LNX1: variants seen among roughly 807,000 people sequenced by gnomAD.
LNX1 encodes E3 ubiquitin-protein ligase LNX.
In LNX1, 54 loss-of-function variants were observed where a neutral mutation model predicts 68.4. The ratio of observed to expected loss-of-function variants is 0.79; its 90% CI spans 0.63 to 0.99. The LOEUF (loss-of-function observed/expected upper bound fraction) is 0.99, where lower values mean the gene tolerates loss of function less well. Ranked by LOEUF, LNX1 falls within the 50% of genes least tolerant of loss-of-function variation. The pLI is 0.00. For synonymous variants in LNX1, 336 were observed against 350.0 expected (o/e 0.96, Z 0.45); for missense variants, 906 against 926.4 (o/e 0.98, Z 0.29).
intron 2 of LNX1, among the ~76,000 whole-genome samples, chr4:53,533,350 T>C (rs1728146660): frequency 6.6e-6 from 1 of 152,184 alleles, no homozygotes. Flanking sequence ...CCTAAGACAG[T>C]CATTCTTAAT....
rs1170555253 is a variant in LNX1 at position 53,565,516 on chromosome 4, A to G, written c.380+8107T>C. 6.6e-5 allele frequency among the ~76,000 whole-genome samples: 10 copies of G among 151,338 alleles called. No individual in the cohort carries two copies. In the East Asian group the frequency reaches 1.9e-3, roughly 29 times the overall value. The stretch of plus-strand genomic sequence containing the variant: ...CATCTGTACATCACCATCATCAAAG[A>G]CCAAAAGTAGATAAAACCACAAAGA... On this transcript the variant is annotated intron_variant, in intron 2 of 10. Coordinates refer to ENST00000263925, the MANE Select transcript of LNX1 (RefSeq NM_001126328.3).
chr4:53,620,263 G>A (rs1733818310), upstream of LNX1, among the ~76,000 whole-genome samples: 1 of 152,016 alleles, frequency 6.6e-6, no homozygotes, highest in Admixed American at 6.6e-5. Context: ...TTTCTGATAT[G>A]TTCACAGGTT....
At chr4:53,572,569 C>A (rs936478151) in intron 2 of LNX1, among the ~76,000 whole-genome samples, 3 of 152,192 alleles carry the variant, frequency 2.0e-5, no homozygotes, top group African/African-American at 7.2e-5. Context: ...CTGCCTCTTG[C>A]CCTTGTCATG....
chr4:53,575,925 T>C (rs1447277810), intron 1 of LNX1: 17 of 1,570,838 alleles, frequency 1.1e-5, no homozygotes. Context: ...TGCAGTGTCT[T>C]GGGGTCAGCA....
At chr4:53,495,692 GCCA>G (rs1341389490) in intron 6 of LNX1, among the ~76,000 whole-genome samples, 1 of 152,036 alleles carries the variant, frequency 6.6e-6, no homozygotes, top group Non-Finnish European at 1.5e-5. Flanking sequence ...ACAGGCACCT[GCCA>G]CCACACCTGG....
At chr4:53,483,010 T>C (rs1724046375) in intron 6 of LNX1, among the ~76,000 whole-genome samples, 1 of 152,212 alleles carries the variant, frequency 6.6e-6, no homozygotes, top group Non-Finnish European at 1.5e-5. Context: ...AAAGGTCCAC[T>C]CCACATCATC....
At position 53,630,176 on chromosome 4, in the gene LNX1, T is replaced by TA. The variant is rs551552649; in HGVS notation, c.-215+21991dup. 4.3e-4 allele frequency among the ~76,000 whole-genome samples: 66 copies of TA among 152,264 alleles called. No homozygotes were observed. In the South Asian group the frequency reaches 0.011, roughly 25 times the overall value. Reference sequence around the variant, plus strand: ...AGAGAGTATTCCAGGAGCTCCTGCTTAAAACAGGGACTTTCAAATTAACAG... The same window carrying TA: ...AGAGAGTATTCCAGGAGCTCCTGCTTAAAAACAGGGACTTTCAAATTAACAG... On this transcript the variant is annotated intron_variant, in intron 1 of 2. Transcript: ENST00000507168.
chr4:53,603,227 T>C (rs1733091387), intron 2 of LNX1, among the ~76,000 whole-genome samples: 1 of 152,230 alleles, frequency 6.6e-6, no homozygotes, highest in Admixed American at 6.5e-5. Context: ...CAGGGCTTCC[T>C]TGGGAGCCGA....
intron 2 of LNX1, among the ~76,000 whole-genome samples, chr4:53,571,476 T>C (rs1217373092): frequency 1.3e-5 from 2 of 151,950 alleles, no homozygotes; most frequent in Admixed American, 6.6e-5. Flanking sequence ...GAAGATGCTA[T>C]GCGGCTGGCT....
chr4:53,554,996 G>A (rs1417327286), intron 2 of LNX1, among the ~76,000 whole-genome samples: 1 of 152,160 alleles, frequency 6.6e-6, no homozygotes, highest in African/African-American at 2.4e-5. Flanking sequence ...GTGCATTGCT[G>A]TTAGAGAGAA....
intron 7 of LNX1, among the ~76,000 whole-genome samples, chr4:53,479,096 T>A (rs929813113): frequency 6.6e-6 from 1 of 152,222 alleles, no homozygotes; most frequent in Non-Finnish European, 1.5e-5. Context: ...GAAAAAGTAT[T>A]GCTTTGTTGC....
At chr4:53,514,303 A>G (rs1471098173) in intron 2 of LNX1, among the ~76,000 whole-genome samples, 1 of 152,222 alleles carries the variant, frequency 6.6e-6, no homozygotes, top group Non-Finnish European at 1.5e-5. Flanking sequence ...ACTTTTGCTA[A>G]TGAAAGAGCA....
At chr4:53,467,438 C>G (rs1345644926) in intron 9 of LNX1, among the ~76,000 whole-genome samples, 3 of 152,168 alleles carry the variant, frequency 2.0e-5, no homozygotes, top group East Asian at 1.9e-4. Flanking sequence ...GAGCGCCTCT[C>G]CTCCTCCAAA....
intron 2 of LNX1, among the ~76,000 whole-genome samples, chr4:53,520,263 A>G (rs1480727107): frequency 1.3e-5 from 2 of 152,192 alleles, no homozygotes. Flanking sequence ...AACTGATTCC[A>G]TTGTTTAGTT....
chr4:53,547,135 G>T (rs1729170234), intron 2 of LNX1, among the ~76,000 whole-genome samples: 1 of 152,140 alleles, frequency 6.6e-6, no homozygotes, highest in African/African-American at 2.4e-5. Context: ...TCTATTGTGA[G>T]GCGCACCATT....
At chr4:53,616,126 C>T (rs1203924990) in intron 2 of LNX1, among the ~76,000 whole-genome samples, 1 of 152,130 alleles carries the variant, frequency 6.6e-6, no homozygotes, top group East Asian at 1.9e-4. Context: ...TTTTTAGATC[C>T]CACAAATAAG....
chr4:53,632,780 T>C (rs1198071069), intron 1 of LNX1, among the ~76,000 whole-genome samples: 8 of 152,232 alleles, frequency 5.3e-5, no homozygotes, highest in Non-Finnish European at 7.3e-5. Flanking sequence ...GAGGCCTCTA[T>C]GGACAACAGA....
Position 53,460,026 on chromosome 4 carries a change from A to T in LNX1, c.*881T>A, listed in dbSNP as rs1029519191. ...TTTCATATCCAAATTAATAAAACCT[A>T]TAAGGCATCTGGGTGGCCTCTATGA... On this transcript the variant is annotated 3_prime_UTR_variant, in exon 11 of 11. Coordinates refer to ENST00000263925, the MANE Select transcript of LNX1 (RefSeq NM_001126328.3). The T allele has an allele frequency of 2.5e-5, 5 of 200,800 alleles. No individual in the cohort carries two copies. Among genetic ancestry groups the T allele is most frequent in the Non-Finnish European group, 1.0e-5 (1 of 100,106 alleles). The allele number at this position is 200,800 out of a possible 1,614,324, so 12.4% of individuals were successfully genotyped here.
At position 53,461,529 on chromosome 4, in the gene LNX1, T is replaced by C. The variant is rs559011838; in HGVS notation, c.1957A>G (p.Ile653Val). ...RNTAGSLGFCIVGGYEEYNGN... is the reference protein window; with the variant it reads ...RNTAGSLGFCVVGGYEEYNGN... ...TTGTATTCTTCATAACCTCCTACAA[T>C]GCAGAAGCCCAGACTTCCAGCTGTG... The change falls in exon 10 of 11, where the codon ATT (isoleucine) becomes GTT (valine). Residue 653 changes from isoleucine to valine, a missense_variant. Coordinates refer to ENST00000263925, the MANE Select transcript of LNX1 (RefSeq NM_001126328.3). The C allele has an allele frequency of 5.3e-5, 85 of 1,612,532 alleles. No homozygotes were observed. The East Asian group carries it at 1.7e-3, about 31-fold the overall frequency.
Sources: gnomAD v4.1 joint callset for allele counts (sites outside exome capture counted in the v4.1 genomes callset) on GRCh38, gnomAD v4.1.1 for gene constraint, MANE v1.5 for transcripts, NCBI Gene and HGNC (gene_info 2026-07-23, HGNC 2026-07-21) for gene names.